Variants in MARK1 observed in about 807,000 individuals in gnomAD.
MARK1 encodes microtubule affinity regulating kinase 1, also known as serine/threonine-protein kinase MARK1.
MARK1 carries 40 observed loss-of-function variants against 96.3 expected under a neutral mutation model. The ratio of observed to expected loss-of-function variants is 0.42; its 90% CI spans 0.32 to 0.54. The LOEUF (loss-of-function observed/expected upper bound fraction) is 0.54, where lower values mean the gene tolerates loss of function less well. Among genes scored for constraint, MARK1 ranks in the 20% least tolerant of loss-of-function variants. MARK1 has a pLI of 0.16. For synonymous variants in MARK1, 317 were observed against 341.2 expected (o/e 0.93, Z 0.78); for missense variants, 719 against 984.6 (o/e 0.73, Z 3.61).
At position 220,529,002 on chromosome 1, in the gene MARK1, C is replaced by G; in HGVS notation, c.51+129C>G. On this transcript the variant is annotated intron_variant, in intron 1 of 17. Coordinates refer to ENST00000366917, the MANE Select transcript of MARK1 (RefSeq NM_018650.5). ...CGCGGCAGGGTCTCCACCTGGAGCCCGGCGTGACCCTCACCCACTGCTCAG... is the reference window on the plus strand; with the variant it reads ...CGCGGCAGGGTCTCCACCTGGAGCCGGGCGTGACCCTCACCCACTGCTCAG... 5 of 838,478 alleles carry G rather than the reference C, an allele frequency of 6.0e-6. No homozygotes were observed. In the South Asian group the frequency reaches 7.1e-5, roughly 12 times the overall value. 51.9% of individuals were successfully genotyped at this position (838,478 alleles called of 1,614,324 possible).
At chr1:220,661,761 T>C (rs1204575375) in intron 17 of MARK1, 51 bp from the exon 18 acceptor site, 3 of 1,353,906 alleles carry the variant, frequency 2.2e-6, no homozygotes, top group Non-Finnish European at 3.0e-6. Context: ...TTGATCTCTT[T>C]GCTGAGTGAA....
intron 13 of MARK1, among the ~76,000 whole-genome samples, chr1:220,649,831 G>C (rs1218733954): frequency 6.6e-6 from 1 of 152,086 alleles, no homozygotes; most frequent in Admixed American, 6.5e-5. Flanking sequence ...TTTTTGTTCT[G>C]TTGGGTAAGG....
chr1:220,543,628 A>G (rs1426068576), intron 1 of MARK1, among the ~76,000 whole-genome samples: 3 of 152,198 alleles, frequency 2.0e-5, no homozygotes, highest in Non-Finnish European at 2.9e-5. Flanking sequence ...TTTTGAGGCC[A>G]TGGACCACTT....
chr1:220,544,358 C>T (rs761250659), intron 1 of MARK1, among the ~76,000 whole-genome samples: 4 of 152,160 alleles, frequency 2.6e-5, no homozygotes, highest in Non-Finnish European at 5.9e-5. Flanking sequence ...AGAGCCCTCA[C>T]GAATGGCTTA....
At position 220,650,708 on chromosome 1, in the gene MARK1, G is replaced by T. The variant is rs1282006537; in HGVS notation, c.1559G>T (p.Gly520Val). The T allele has an allele frequency of 6.2e-7, 1 of 1,612,732 alleles. No homozygotes were observed. The highest frequency in any genetic ancestry group is 8.5e-7 in the Non-Finnish European group (1 of 1,179,048). ...GATCGATACGTAGCATTGCAGAATG[G>T]AAAAGACAGCAGGTAAATGCCACAG... ...TTDRYVALQN[G>V]KDSSLTEMSV... Residue 520 changes from glycine to valine, a missense_variant, in exon 14 of 18, where the codon GGA becomes GTA. Physicochemically the swap from Gly to Val is moderately radical, Grantham distance 109. Around this residue, in one of 4 missense-constraint regions of MARK1, gnomAD observed 501 missense variants for 588.3 expected, o/e 0.85. Transcript: ENST00000366917.
chr1:220,552,410 A>G (rs913238772), intron 1 of MARK1, among the ~76,000 whole-genome samples: 3 of 152,202 alleles, frequency 2.0e-5, no homozygotes, highest in Non-Finnish European at 2.9e-5. Flanking sequence ...AATTTGGAGT[A>G]CATATTGCAT....
intron 6 of MARK1, among the ~76,000 whole-genome samples, chr1:220,611,980 A>T: frequency 6.6e-6 from 1 of 152,154 alleles, no homozygotes; most frequent in East Asian, 1.9e-4. Context: ...TGATCTGCCC[A>T]CATCGGCCTC....
chr1:220,572,657 T>C (rs1663555128), intron 1 of MARK1, among the ~76,000 whole-genome samples: 1 of 152,222 alleles, frequency 6.6e-6, no homozygotes, highest in South Asian at 2.1e-4. Flanking sequence ...CCACGTACAG[T>C]ATTATGCTTT....
chr1:220,601,174 T>C (rs1339333468), intron 5 of MARK1, among the ~76,000 whole-genome samples: 2 of 152,162 alleles, frequency 1.3e-5, no homozygotes, highest in African/African-American at 2.4e-5. Context: ...TGCCTTGGCC[T>C]CCCAAAGTGC....
At chr1:220,640,433 C>T (rs139465181) in intron 13 of MARK1, among the ~76,000 whole-genome samples, 177 of 152,146 alleles carry the variant, frequency 1.2e-3, no homozygotes, top group African/African-American at 4.1e-3. Flanking sequence ...TAAAACTGGC[C>T]AGTTGATAGC....
chr1:220,642,255 G>T (rs777528404), intron 13 of MARK1, among the ~76,000 whole-genome samples: 1 of 152,182 alleles, frequency 6.6e-6, no homozygotes, highest in African/African-American at 2.4e-5. Flanking sequence ...AGCGTTGGGG[G>T]CAACCGCCAT....
At chr1:220,645,383 A>G (rs935021030) in intron 13 of MARK1, among the ~76,000 whole-genome samples, 1 of 152,232 alleles carries the variant, frequency 6.6e-6, no homozygotes, top group Non-Finnish European at 1.5e-5. Flanking sequence ...GAATCCCTGA[A>G]TAGACCAATA....
rs142578522 is a variant in MARK1 at position 220,618,504 on chromosome 1, A to G, written c.747A>G (p.Thr249=). The change falls in exon 8 of 18, where the codon ACA becomes ACG. Residue 249 remains threonine, a synonymous_variant. Coordinates refer to ENST00000366917, the MANE Select transcript of MARK1 (RefSeq NM_018650.5). This position sits in a 1 kb window ranked among gnomAD's most constrained non-coding sequence, Gnocchi z 4.6. ...GGAGTCTGGGCGTCATTCTCTATACATTAGTCAGTGGCTCCTTGCCTTTCG... is the reference window on the plus strand; with the variant it reads ...GGAGTCTGGGCGTCATTCTCTATACGTTAGTCAGTGGCTCCTTGCCTTTCG... ...DVWSLGVILY[T]LVSGSLPFDG... The G allele has an allele frequency of 2.2e-5, 36 of 1,614,048 alleles. No homozygotes were observed. Among genetic ancestry groups the G allele is most frequent in the Admixed American group, 3.3e-5 (2 of 60,004 alleles).
At position 220,590,391 on chromosome 1, in the gene MARK1, G is replaced by A. The variant is rs531298414; in HGVS notation, c.310-7940G>A. Among the ~76,000 whole-genome samples the A allele has an allele frequency of 2.2e-4, 34 of 152,228 alleles. 1 individual carries two copies. The South Asian group carries it at 7.1e-3, about 32-fold the overall frequency. Reference sequence around the variant, plus strand: ...ATTCAAGATGAAGGTGTGTAGGCAGGTTTGGTTTCTCCTGAGTTCTCTCTC... The same window carrying A: ...ATTCAAGATGAAGGTGTGTAGGCAGATTTGGTTTCTCCTGAGTTCTCTCTC... On this transcript the variant is annotated intron_variant, in intron 3 of 17. Transcript: ENST00000366917.
intron 1 of MARK1, among the ~76,000 whole-genome samples, chr1:220,572,791 C>A (rs1194333312): frequency 6.6e-6 from 1 of 152,074 alleles, no homozygotes; most frequent in Non-Finnish European, 1.5e-5. Context: ...TCATTTTACC[C>A]TCTATTGTTA....
At chr1:220,650,285 T>G (rs938412245) in intron 13 of MARK1, among the ~76,000 whole-genome samples, 2 of 152,166 alleles carry the variant, frequency 1.3e-5, no homozygotes, top group Non-Finnish European at 2.9e-5. Flanking sequence ...TTGCACTCCT[T>G]GTTACTTAGA....
intron 11 of MARK1, among the ~76,000 whole-genome samples, chr1:220,633,899 C>A (rs903030727): frequency 6.6e-6 from 1 of 152,162 alleles, no homozygotes; most frequent in African/African-American, 2.4e-5. Flanking sequence ...ATATAAAGAT[C>A]TGAATTGGAG....
chr1:220,661,693 G>C, intron 17 of MARK1, 119 bp from the exon 18 acceptor site: 1 of 699,210 alleles, frequency 1.4e-6, no homozygotes, highest in Non-Finnish European at 2.4e-6. Context: ...AGGGTGGTCT[G>C]CAAATTAGGT....
intron 15 of MARK1, 79 bp from the exon 16 acceptor site, chr1:220,653,022 A>G (rs1024772362): frequency 8.5e-6 from 13 of 1,522,038 alleles, no homozygotes; most frequent in Middle Eastern, 1.7e-4. Flanking sequence ...AGCCATAGCT[A>G]TTTGTTTCAA....
Sources: gnomAD v4.1 joint callset for allele counts (sites outside exome capture counted in the v4.1 genomes callset) on GRCh38, gnomAD v4.1.1 for gene constraint, gnomAD v4.1.1 regional missense constraint, Gnocchi (gnomAD v3.1) non-coding constraint, MANE v1.5 for transcripts, NCBI Gene and HGNC (gene_info 2026-07-23, HGNC 2026-07-21) for gene names.